MAN2A1: variants seen among roughly 807,000 people sequenced by gnomAD.
MAN2A1 encodes the protein mannosidase alpha class 2A member 1.
Under a neutral mutation model 142.6 loss-of-function variants are expected in MAN2A1, and 76 were observed. The ratio of observed to expected loss-of-function variants is 0.53; its 90% CI spans 0.44 to 0.65. The LOEUF (loss-of-function observed/expected upper bound fraction) is 0.65, where lower values mean the gene tolerates loss of function less well. Among genes scored for constraint, MAN2A1 ranks in the 30% least tolerant of loss-of-function variants. The pLI, the probability that MAN2A1 is intolerant of heterozygous loss-of-function variation, is 0.00. For synonymous variants in MAN2A1, 559 were observed against 473.2 expected, an observed-to-expected ratio of 1.18 and a Z score of -2.35; for missense variants, 1,311 against 1,365.1, an observed-to-expected ratio of 0.96 and a Z score of 0.62.
chr5:109,705,074 C>G (rs1013899141), intron 1 of MAN2A1, among the ~76,000 whole-genome samples: 25 of 152,112 alleles, frequency 1.6e-4, no homozygotes, highest in African/African-American at 5.8e-4. Context: ...GGGCCTGTTC[C>G]TCTAAAATGC....
intron 4 of MAN2A1, among the ~76,000 whole-genome samples, chr5:109,734,946 G>T (rs1582838938): frequency 6.6e-6 from 1 of 152,146 alleles, no homozygotes; most frequent in East Asian, 1.9e-4. Context: ...CTGCCTCATT[G>T]ATCTGTCTAA....
chr5:109,738,658 A>G (rs1752177482), intron 4 of MAN2A1, among the ~76,000 whole-genome samples: 1 of 152,148 alleles, frequency 6.6e-6, no homozygotes, highest in African/African-American at 2.4e-5. Context: ...ATTGAAACCA[A>G]TTTTATTTGG....
intron 12 of MAN2A1, among the ~76,000 whole-genome samples, chr5:109,806,101 G>A (rs997876319): frequency 4.6e-5 from 7 of 152,270 alleles, no homozygotes; most frequent in Admixed American, 1.3e-4. Flanking sequence ...CTGCTGGGGT[G>A]AATATAGAGC....
intron 9 of MAN2A1, among the ~76,000 whole-genome samples, chr5:109,782,829 T>C (rs1168829569): frequency 6.6e-6 from 1 of 152,136 alleles, no homozygotes; most frequent in African/African-American, 2.4e-5. Flanking sequence ...GTACATGTGA[T>C]ATTTTGATAT....
At chr5:109,719,903 A>G (rs1022061155) in intron 3 of MAN2A1, among the ~76,000 whole-genome samples, 2 of 152,188 alleles carry the variant, frequency 1.3e-5, no homozygotes, top group African/African-American at 2.4e-5. Context: ...AGTGTTTTAC[A>G]TGAGTAAAAA....
intron 8 of MAN2A1, among the ~76,000 whole-genome samples, chr5:109,781,134 T>G (rs1313838853): frequency 6.6e-6 from 1 of 152,172 alleles, no homozygotes; most frequent in Non-Finnish European, 1.5e-5. Flanking sequence ...TCATATTCAC[T>G]GATTTGTAGA....
intron 20 of MAN2A1, among the ~76,000 whole-genome samples, chr5:109,861,585 A>G (rs1755761408): frequency 6.6e-6 from 1 of 152,246 alleles, no homozygotes; most frequent in South Asian, 2.1e-4. Context: ...AGCTCTCACA[A>G]CAACCCTAAG....
At chr5:109,857,205 G>A (rs984921205) in intron 20 of MAN2A1, among the ~76,000 whole-genome samples, 3 of 152,218 alleles carry the variant, frequency 2.0e-5, no homozygotes, top group African/African-American at 7.2e-5. Context: ...TGAGAGCTAT[G>A]CTTGTCCTTT....
chr5:109,749,240 G>A (rs1446382271), intron 4 of MAN2A1, among the ~76,000 whole-genome samples: 1 of 152,090 alleles, frequency 6.6e-6, no homozygotes, highest in Non-Finnish European at 1.5e-5. Flanking sequence ...CCTTCTGTGT[G>A]TGACCAAATT....
intron 1 of MAN2A1, among the ~76,000 whole-genome samples, chr5:109,694,466 T>C (rs1032024871): frequency 2.6e-5 from 4 of 152,080 alleles, no homozygotes; most frequent in African/African-American, 9.7e-5. Context: ...ACCTCAGCCT[T>C]CTGAGTAGCT....
chr5:109,858,660 T>C (rs1755683063), intron 20 of MAN2A1, among the ~76,000 whole-genome samples: 1 of 152,236 alleles, frequency 6.6e-6, no homozygotes, highest in African/African-American at 2.4e-5. Context: ...AGTAAGCATA[T>C]TCCTAACCAC....
chr5:109,840,431 T>G (rs1755169950), intron 16 of MAN2A1: 1 of 449,422 alleles, frequency 2.2e-6, no homozygotes, highest in African/African-American at 2.1e-5. Context: ...TCTACCAGGT[T>G]TCTGCATCAG....
chr5:109,833,914 A>G (rs1016353606), intron 16 of MAN2A1, among the ~76,000 whole-genome samples: 1 of 152,188 alleles, frequency 6.6e-6, no homozygotes, highest in East Asian at 1.9e-4. Flanking sequence ...TTTTGCAGAA[A>G]TATTTGTTGC....
At chr5:109,744,277 G>A (rs1334143023) in intron 4 of MAN2A1, among the ~76,000 whole-genome samples, 1 of 152,060 alleles carries the variant, frequency 6.6e-6, no homozygotes, top group Non-Finnish European at 1.5e-5. Context: ...TTCTATAGAG[G>A]CAAGAAGGGG....
In MAN2A1 at chr5:109,825,018, T is replaced by C. The variant is rs543933184; in HGVS notation, c.2566+1181T>C. On this transcript the variant is annotated intron_variant, in intron 16 of 21. Transcript: ENST00000261483. Reference sequence around the variant, plus strand: ...CTCTGGCAGGTGGGAAAAATAATGCTAGACACTAATTTTGTGTCCTAAATG... The same window carrying C: ...CTCTGGCAGGTGGGAAAAATAATGCCAGACACTAATTTTGTGTCCTAAATG... Among the ~76,000 whole-genome samples the C allele has an allele frequency of 2.6e-5, 4 of 152,328 alleles. 1 individual carries two copies. The South Asian group carries it at 8.3e-4, about 32-fold the overall frequency.
chr5:109,733,159 CTGTT>C (rs1419593845), intron 4 of MAN2A1, among the ~76,000 whole-genome samples: 2 of 152,238 alleles, frequency 1.3e-5, no homozygotes, highest in African/African-American at 2.4e-5. Flanking sequence ...ATTTGGCTCT[CTGTT>C]TGTCTGTTAT....
At chr5:109,842,593 C>T (rs925755267) in intron 17 of MAN2A1, 132 bp downstream of exon 17, 5 of 542,724 alleles carry the variant, frequency 9.2e-6, no homozygotes, top group African/African-American at 3.9e-5. Flanking sequence ...TAAAATAAAA[C>T]TGAATTTTGA....
chr5:109,782,946 G>A (rs1753499563), intron 9 of MAN2A1, among the ~76,000 whole-genome samples: 1 of 151,966 alleles, frequency 6.6e-6, no homozygotes, highest in Admixed American at 6.6e-5. Flanking sequence ...ATAACTGCTT[G>A]AGGTAATGGA....
chr5:109,779,431 A>G (rs896717409), intron 8 of MAN2A1, among the ~76,000 whole-genome samples: 9 of 152,280 alleles, frequency 5.9e-5, no homozygotes, highest in African/African-American at 2.2e-4. Flanking sequence ...AGAAATATTT[A>G]GATCGTAGAC....
Sources: allele counts gnomAD v4.1 joint callset (sites outside exome capture counted in the v4.1 genomes callset), GRCh38; gene constraint gnomAD v4.1.1; transcripts MANE v1.5; gene names NCBI Gene and HGNC (gene_info 2026-07-23, HGNC 2026-07-21).